The following RAB11FIP3 variants were observed in gnomAD, a reference collection of about 807,000 sequenced individuals.
RAB11FIP3 encodes the protein rab11 family-interacting protein 3.
In RAB11FIP3, 17 loss-of-function variants were observed where a neutral mutation model predicts 77.8. That is an observed-to-expected ratio of 0.22 (90% CI 0.15 to 0.33). The LOEUF is 0.33. Among genes scored for constraint, RAB11FIP3 ranks in the 10% least tolerant of loss-of-function variants. RAB11FIP3 has a pLI of 1.00. For missense variants in RAB11FIP3, 1,005 were observed against 1,011.2 expected, an observed-to-expected ratio of 0.99 and a Z score of 0.08; for synonymous variants, 437 against 448.2, an observed-to-expected ratio of 0.98 and a Z score of 0.31.
chr16:431,245 T>C (rs2055030437), intron 1 of RAB11FIP3, among the ~76,000 whole-genome samples: 1 of 152,194 alleles, frequency 6.6e-6, no homozygotes, highest in Non-Finnish European at 1.5e-5. Flanking sequence ...GGTGAGTGTA[T>C]GTATTCTGGG....
Position 510,644 on chromosome 16 carries a change from C to T in RAB11FIP3, c.1500-16C>T, listed in dbSNP as rs776866911. 2 of 1,587,286 alleles carry T rather than the reference C, an allele frequency of 1.3e-6. No individual in the cohort carries two copies. Among genetic ancestry groups the T allele is most frequent in the Non-Finnish European group, 1.7e-6 (2 of 1,168,742 alleles). ...CCTGCCTGGAGACAGCTCAGCTCCT[C>T]CCTTTGCCTTTCAAGAGCAAACGCC... On this transcript the variant is annotated splice_polypyrimidine_tract_variant and intron_variant, in intron 8 of 13. Coordinates refer to ENST00000262305, the MANE Select transcript of RAB11FIP3 (RefSeq NM_014700.4).
intron 2 of RAB11FIP3, among the ~76,000 whole-genome samples, chr16:464,580 A>C (rs2055670620): frequency 6.6e-6 from 1 of 152,024 alleles, no homozygotes; most frequent in African/African-American, 2.4e-5. Flanking sequence ...TCTAGGTGTA[A>C]ATTTTTTCCT....
intron 2 of RAB11FIP3, among the ~76,000 whole-genome samples, chr16:467,980 G>A (rs1487853951): frequency 2.5e-5 from 3 of 121,258 alleles, no homozygotes; most frequent in African/African-American, 1.0e-4. Context: ...GGGAGGAGGT[G>A]CTGGGGCCTC....
chr16:493,096 T>TA (rs2030736497), intron 5 of RAB11FIP3, among the ~76,000 whole-genome samples: 1 of 151,796 alleles, frequency 6.6e-6, no homozygotes, highest in Admixed American at 6.6e-5. Context: ...ACTAAAAACA[T>TA]AAAAATTAGC....
rs906144448 is a variant in RAB11FIP3 at position 425,697 on chromosome 16, C to T, written c.-310C>T. On this transcript the variant is annotated 5_prime_UTR_variant, in exon 1 of 14. Coordinates refer to ENST00000262305, the MANE Select transcript of RAB11FIP3 (RefSeq NM_014700.4). Reference sequence around the variant, plus strand: ...GCTTCACAGGCTCCGCGGCCTCCGGCCTCCTCGGCCCCCGTCCCCCGGCCT... The same window carrying T: ...GCTTCACAGGCTCCGCGGCCTCCGGTCTCCTCGGCCCCCGTCCCCCGGCCT... The T allele has an allele frequency of 1.8e-4, 49 of 277,506 alleles. 1 individual carries two copies. Among genetic ancestry groups the T allele is most frequent in the African/African-American group, 9.0e-4 (40 of 44,224 alleles). The allele number at this position is 277,506 out of a possible 1,614,324, so 17.2% of individuals were successfully genotyped here.
In RAB11FIP3 at chr16:461,467, T is replaced by C. The variant is rs752265291; in HGVS notation, c.778T>C (p.Tyr260His). 2 of 1,613,732 alleles carry C rather than the reference T, an allele frequency of 1.2e-6. No homozygotes were observed. The highest frequency in any genetic ancestry group is 2.2e-5 in the South Asian group (2 of 91,074). ...CGGCGTGATCAGCTTTGAAGACTTC[T>C]ACCAAGGGATCACAGCCATCAGAAA... ...GLGVISFEDF[Y>H]QGITAIRNGD... The change falls in exon 2 of 14, where the codon TAC becomes CAC. Residue 260 changes from tyrosine to histidine, a missense_variant. Coordinates refer to ENST00000262305, the MANE Select transcript of RAB11FIP3 (RefSeq NM_014700.4). The surrounding 1 kb of genome is among the most constrained non-coding windows in gnomAD (Gnocchi z 4.5).
chr16:460,912 C>G (rs768207970), intron 1 of RAB11FIP3, among the ~76,000 whole-genome samples: 3 of 152,200 alleles, frequency 2.0e-5, no homozygotes, highest in Non-Finnish European at 4.4e-5. Context: ...CCATGGAGGC[C>G]GTGCTGCCTC....
chr16:492,455 T>TCCCGGGAGACCCGAGGCCGTCCAGAGCCC (rs1567392335), intron 5 of RAB11FIP3, among the ~76,000 whole-genome samples: 9 of 48,192 alleles, frequency 1.9e-4, no homozygotes, highest in African/African-American at 8.6e-4. Context: ...CCCAGGGCCC[T>TCCCGGGAGACCCGAGGCCGTCCAGAGCCC]TCCCGGGGAG....
chr16:510,793 C>A lies in RAB11FIP3; in HGVS notation c.1633C>A (p.Gln545Lys). Residue 545 changes from glutamine (Q) to lysine (K), a missense_variant, in exon 9 of 14, where the codon CAG becomes AAG. Gln to Lys is a moderately conservative substitution (Grantham distance 53). Coordinates refer to ENST00000262305, the MANE Select transcript of RAB11FIP3 (RefSeq NM_014700.4). ...GAAGAGCATTGAGATCGAGAACCTG[C>A]AGACCAGGTAGGCGGTTCCCAACAG... is the stretch of plus-strand genomic sequence containing the variant. ...REKSIEIENL[Q>K]TRLQQLDEEN... The A allele has an allele frequency of 6.2e-7, 1 of 1,613,056 alleles. No individual in the cohort carries two copies. The highest frequency in any genetic ancestry group is 8.5e-7 in the Non-Finnish European group (1 of 1,179,672).
At chr16:498,091 A>C (rs2031274627) in intron 6 of RAB11FIP3, among the ~76,000 whole-genome samples, 2 of 152,062 alleles carry the variant, frequency 1.3e-5, no homozygotes, top group Admixed American at 1.3e-4. Context: ...GGGCTTAAGT[A>C]ATCTTTCCAC....
chr16:462,968 C>T (rs1190814547), intron 2 of RAB11FIP3, among the ~76,000 whole-genome samples: 2 of 152,216 alleles, frequency 1.3e-5, no homozygotes, highest in Non-Finnish European at 2.9e-5. Flanking sequence ...TCTTCATTCT[C>T]CTGGTGATGG....
intron 5 of RAB11FIP3, among the ~76,000 whole-genome samples, chr16:494,811 G>C (rs12443998): frequency 2.0e-3 from 187 of 91,676 alleles, no homozygotes; most frequent in Middle Eastern, 5.6e-3. Flanking sequence ...GCAGAGGTGG[G>C]AGGATCACAT....
chr16:449,757 G>A (rs751711212), intron 1 of RAB11FIP3, among the ~76,000 whole-genome samples: 6 of 151,758 alleles, frequency 4.0e-5, no homozygotes, highest in African/African-American at 7.3e-5. Context: ...TTTGAGACCC[G>A]CCTGGCCAAC....
chr16:435,761 A>G (rs901262126), intron 1 of RAB11FIP3, among the ~76,000 whole-genome samples: 4 of 151,978 alleles, frequency 2.6e-5, no homozygotes, highest in Admixed American at 2.6e-4. Context: ...AAATCATTAC[A>G]GTTGGTAGAA....
intron 1 of RAB11FIP3, among the ~76,000 whole-genome samples, chr16:432,585 T>A (rs2055054929): frequency 6.7e-6 from 1 of 148,558 alleles, no homozygotes; most frequent in Non-Finnish European, 1.5e-5. Context: ...CTTTTTGACC[T>A]GGTTTTTTTT....
At chr16:478,938 C>G (rs1008492818) in intron 3 of RAB11FIP3, among the ~76,000 whole-genome samples, 3 of 152,054 alleles carry the variant, frequency 2.0e-5, no homozygotes, top group African/African-American at 7.2e-5. Flanking sequence ...GCACTCCAGC[C>G]TGGGTGACAG....
intron 3 of RAB11FIP3, among the ~76,000 whole-genome samples, chr16:473,254 G>T (rs915729509): frequency 6.6e-6 from 1 of 152,212 alleles, no homozygotes; most frequent in African/African-American, 2.4e-5. Context: ...CTTCAGAAGG[G>T]TGGGAACCTG....
At chr16:497,130 G>A (rs1007676757) in intron 6 of RAB11FIP3, 2 of 614,202 alleles carry the variant, frequency 3.3e-6, no homozygotes, top group East Asian at 5.4e-5. Flanking sequence ...GTCTGGAAGG[G>A]GCCGCCATCC....
intron 5 of RAB11FIP3, among the ~76,000 whole-genome samples, chr16:495,032 G>A (rs111286963): frequency 3.7e-5 from 3 of 81,898 alleles, no homozygotes; most frequent in Non-Finnish European, 6.5e-5. Context: ...CACATGAGCC[G>A]GGGAGGTCGA....
Sources: gnomAD v4.1 joint callset for allele counts (sites outside exome capture counted in the v4.1 genomes callset) on GRCh38, gnomAD v4.1.1 for gene constraint, Gnocchi (gnomAD v3.1) non-coding constraint, MANE v1.5 for transcripts, NCBI Gene and HGNC (gene_info 2026-07-23, HGNC 2026-07-21) for gene names.